Variants in PCDH15 observed in about 807,000 individuals in gnomAD.
PCDH15 encodes the protein protocadherin related 15, also known as protocadherin-15.
In PCDH15, 129 loss-of-function variants were observed where a neutral mutation model predicts 178.5. That is an observed-to-expected ratio of 0.72 (90% CI 0.63 to 0.84). The LOEUF (loss-of-function observed/expected upper bound fraction) is 0.84, where lower values mean the gene tolerates loss of function less well. Ranked by LOEUF, PCDH15 falls within the 40% of genes least tolerant of loss-of-function variation. The pLI, the probability that PCDH15 is intolerant of heterozygous loss-of-function variation, is 0.00. For synonymous variants in PCDH15, 800 were observed against 732.0 expected, an observed-to-expected ratio of 1.09 and a Z score of -1.50; for missense variants, 2,230 against 2,099.9, an observed-to-expected ratio of 1.06 and a Z score of -1.21.
intron 13 of PCDH15, among the ~76,000 whole-genome samples, chr10:54,169,075 G>C (rs185774775): frequency 6.6e-6 from 1 of 151,406 alleles, no homozygotes. Flanking sequence ...CCTGCAGCCC[G>C]GGATTCCTCC....
intron 29 of PCDH15, among the ~76,000 whole-genome samples, chr10:53,839,729 T>C (rs2077527477): frequency 1.3e-5 from 2 of 151,744 alleles, no homozygotes; most frequent in South Asian, 4.2e-4. Flanking sequence ...AGAAAGTAAG[T>C]AGCAGGATTT....
chr10:54,306,766 C>A (rs917495164), intron 8 of PCDH15, among the ~76,000 whole-genome samples: 2 of 151,302 alleles, frequency 1.3e-5, no homozygotes, highest in Admixed American at 1.3e-4. Flanking sequence ...CAGTTGCTCT[C>A]TCCCTCAAAT....
At chr10:54,149,430 G>T (rs1564536389) in intron 14 of PCDH15, among the ~76,000 whole-genome samples, 1 of 152,032 alleles carries the variant, frequency 6.6e-6, no homozygotes, top group African/African-American at 2.4e-5. Flanking sequence ...AGAAATCTGA[G>T]AAAAGATCCA....
chr10:55,290,737 T>G (rs932697576), intron 1 of PCDH15, among the ~76,000 whole-genome samples: 1 of 151,642 alleles, frequency 6.6e-6, no homozygotes, highest in Non-Finnish European at 1.5e-5. Flanking sequence ...TGCCAATACC[T>G]CCAAATAGTG....
chr10:53,928,940 T>A (rs2084806057), intron 25 of PCDH15, among the ~76,000 whole-genome samples: 2 of 152,084 alleles, frequency 1.3e-5, no homozygotes, highest in Non-Finnish European at 2.9e-5. Flanking sequence ...CTCTCTTTAG[T>A]TCCAGGCTTA....
At chr10:53,939,375 T>C (rs2134058535) in intron 24 of PCDH15, among the ~76,000 whole-genome samples, 1 of 152,212 alleles carries the variant, frequency 6.6e-6, no homozygotes, top group South Asian at 2.1e-4. Flanking sequence ...ATTATACTCT[T>C]TGTAATTTAT....
chr10:55,504,817 T>C (rs897670785), intron 2 of PCDH15, among the ~76,000 whole-genome samples: 1 of 151,376 alleles, frequency 6.6e-6, no homozygotes, highest in African/African-American at 2.4e-5. Flanking sequence ...AGAAAATAAA[T>C]ACATAGATAT....
intron 1 of PCDH15, among the ~76,000 whole-genome samples, chr10:55,249,725 T>A (rs1440297502): frequency 6.6e-6 from 1 of 152,182 alleles, no homozygotes; most frequent in African/African-American, 2.4e-5. Flanking sequence ...AACAAATATA[T>A]GTTACACTTG....
rs777260773 is a variant in PCDH15 at position 54,020,209 on chromosome 10, C to T, written c.2734G>A (p.Val912Ile). Residue 912 changes from valine to isoleucine, a missense_variant, in exon 20 of 38, where the codon GTC becomes ATC. Physicochemically the swap from Val to Ile is conservative, Grantham distance 29. Coordinates refer to ENST00000644397, the MANE Select transcript of PCDH15 (RefSeq NM_001384140.1). The part of the protein sequence containing the change: ...YGTMPPGIAT[V>I]TVIVKDMNDY... ...GCCCTTACCTTTACAATCACTGTGA[C>T]AGTAGCAATACCAGGTGGCATTGTT... 1 of 1,613,560 alleles carries T rather than the reference C, an allele frequency of 6.2e-7. No homozygotes were observed. Among genetic ancestry groups the T allele is most frequent in the Admixed American group, 1.7e-5 (1 of 59,942 alleles).
rs192019986 is a variant in PCDH15 at position 54,806,442 on chromosome 10, A to C, written c.-29+91008T>G. 9.9e-5 allele frequency among the ~76,000 whole-genome samples: 15 copies of C among 152,186 alleles called. No individual in the cohort carries two copies. The East Asian group carries it at 2.9e-3, about 29-fold the overall frequency. Reference sequence around the variant, plus strand: ...GAAGAATTCAGGTTGTTTGGAAAAAAAAATCATTTGGTTATGACTATATGA... The same window carrying C: ...GAAGAATTCAGGTTGTTTGGAAAAACAAATCATTTGGTTATGACTATATGA... On this transcript the variant is annotated intron_variant, in intron 3 of 5. Transcript: ENST00000458638.
Position 54,236,891 on chromosome 10 carries a change from G to C in PCDH15, c.917C>G (p.Ala306Gly). The C allele has an allele frequency of 1.2e-6, 2 of 1,613,600 alleles. No individual in the cohort carries two copies. The highest frequency in any genetic ancestry group is 8.5e-7 in the Non-Finnish European group (1 of 1,179,674). The change falls in exon 9 of 38, where the codon GCC becomes GGC. Residue 306 changes from alanine to glycine, a missense_variant. Ala to Gly is a moderately conservative substitution (Grantham distance 60). Transcript: ENST00000644397. ...TTGAATATTCCGGTCCTGATCAATG[G>C]CTTGGATTGGTGGCGTAACAATAAT... ...NPIIVTPPIQ[A>G]IDQDRNIQPP...
intron 2 of PCDH15, among the ~76,000 whole-genome samples, chr10:55,403,680 G>T (rs1326623259): frequency 6.6e-6 from 1 of 151,774 alleles, no homozygotes; most frequent in Admixed American, 6.6e-5. Context: ...ATTGGTCTAG[G>T]TGTCTGTTTT....
chr10:54,728,824 A>T (rs1942944095), intron 1 of PCDH15, among the ~76,000 whole-genome samples: 2 of 151,662 alleles, frequency 1.3e-5, no homozygotes, highest in South Asian at 4.1e-4. Context: ...TTGCATTCAT[A>T]ATAGCTGCAA....
intron 2 of PCDH15, among the ~76,000 whole-genome samples, chr10:55,547,617 C>A (rs1841912956): frequency 6.6e-6 from 1 of 152,008 alleles, no homozygotes; most frequent in African/African-American, 2.4e-5. Context: ...AACATGGCCA[C>A]AAATATGGAT....
chr10:54,196,235 T>C (rs529271670), intron 10 of PCDH15, among the ~76,000 whole-genome samples: 1 of 152,232 alleles, frequency 6.6e-6, no homozygotes. Flanking sequence ...CTCTTCCTCC[T>C]GAGTTCACGC....
At chr10:54,120,363 A>G (rs1041328262) in intron 15 of PCDH15, among the ~76,000 whole-genome samples, 1 of 152,192 alleles carries the variant, frequency 6.6e-6, no homozygotes, top group Non-Finnish European at 1.5e-5. Context: ...AATAGAAACT[A>G]CAAAGTTACC....
intron 26 of PCDH15, 66 bp downstream of exon 26, chr10:53,903,177 C>T: frequency 2.5e-6 from 4 of 1,587,520 alleles, no homozygotes; most frequent in Non-Finnish European, 3.4e-6. Context: ...AAACTACAGG[C>T]TTACAGCTTA....
chr10:54,023,961 G>C (rs2093006627), intron 18 of PCDH15, among the ~76,000 whole-genome samples: 1 of 151,982 alleles, frequency 6.6e-6, no homozygotes, highest in Non-Finnish European at 1.5e-5. Context: ...AACTAAATCT[G>C]TTCCAAAAGT....
chr10:55,228,080 A>C (rs1484739751), intron 1 of PCDH15, among the ~76,000 whole-genome samples: 1 of 152,062 alleles, frequency 6.6e-6, no homozygotes, highest in Non-Finnish European at 1.5e-5. Context: ...TGCTTCATGC[A>C]CTGTATTTAT....
Sources: allele counts gnomAD v4.1 joint callset (sites outside exome capture counted in the v4.1 genomes callset), GRCh38; gene constraint gnomAD v4.1.1; transcripts MANE v1.5; gene names NCBI Gene and HGNC (gene_info 2026-07-23, HGNC 2026-07-21).